The following GALNT10 variants were observed in gnomAD, a reference collection of about 807,000 sequenced individuals.
GALNT10 encodes polypeptide N-acetylgalactosaminyltransferase 10.
In GALNT10, 41 loss-of-function variants were observed where a neutral mutation model predicts 75.0. The ratio of observed to expected loss-of-function variants is 0.55; its 90% CI spans 0.43 to 0.71. The LOEUF is 0.71. Ranked by LOEUF, GALNT10 falls within the 30% of genes least tolerant of loss-of-function variation. The probability of loss-of-function intolerance (pLI) is 0.00; values close to 1 mark genes in which losing one functional copy is unlikely to be tolerated. For synonymous variants in GALNT10, 302 were observed against 313.0 expected (o/e 0.96, Z 0.37); for missense variants, 727 against 818.5 (o/e 0.89, Z 1.36).
chr5:154,377,973 A>G (rs1044581327), intron 5 of GALNT10, among the ~76,000 whole-genome samples: 1 of 152,170 alleles, frequency 6.6e-6, no homozygotes, highest in African/African-American at 2.4e-5. Context: ...CTCGAAGCTG[A>G]GCTTGTAGTC....
intron 3 of GALNT10, among the ~76,000 whole-genome samples, chr5:154,304,016 G>A (rs1023419263): frequency 6.6e-6 from 1 of 152,062 alleles, no homozygotes; most frequent in African/African-American, 2.4e-5. Context: ...AATCAACAAT[G>A]TCTAAAATGA....
intron 4 of GALNT10, among the ~76,000 whole-genome samples, chr5:154,339,433 TAAACCTTTTGGTGGACA>T (rs371377550): frequency 3.2e-3 from 485 of 152,228 alleles, no homozygotes; most frequent in African/African-American, 0.011. Flanking sequence ...GGGAAATCTG[TAAACCTTTTGGTGGACA>T]TCTGGTAGAA....
intron 2 of GALNT10, 77 bp downstream of exon 2, chr5:154,294,995 T>TGTGTGTGTGTGTTC: frequency 1.4e-6 from 1 of 727,096 alleles, no homozygotes; most frequent in East Asian, 2.6e-5. Context: ...TGTGTGTGTG[T>TGTGTGTGTGTGTTC]GTGTGTGTGT....
intron 1 of GALNT10, among the ~76,000 whole-genome samples, chr5:154,293,594 G>GATATATATATAT (rs754824803): frequency 1.4e-5 from 2 of 140,664 alleles, no homozygotes; most frequent in African/African-American, 5.7e-5. Flanking sequence ...TCTTGGGGCT[G>GATATATATATAT]ATATATATAT....
chr5:154,293,387 G>A (rs1754224071), intron 1 of GALNT10, among the ~76,000 whole-genome samples: 1 of 152,106 alleles, frequency 6.6e-6, no homozygotes, highest in Admixed American at 6.5e-5. Flanking sequence ...AGCATTACCT[G>A]GGGAAGGCTC....
intron 7 of GALNT10, among the ~76,000 whole-genome samples, chr5:154,398,786 C>A (rs1416045188): frequency 6.6e-6 from 1 of 152,190 alleles, no homozygotes; most frequent in African/African-American, 2.4e-5. Context: ...TAATATCATT[C>A]TCTTGGTCAC....
intron 3 of GALNT10, among the ~76,000 whole-genome samples, chr5:154,326,530 G>A (rs930716700): frequency 2.0e-5 from 3 of 152,178 alleles, no homozygotes; most frequent in Non-Finnish European, 2.9e-5. Flanking sequence ...TAAATAAAAT[G>A]TGGTGAATTC....
intron 1 of GALNT10, among the ~76,000 whole-genome samples, chr5:154,204,886 A>G (rs1243975919): frequency 6.6e-6 from 1 of 152,226 alleles, no homozygotes; most frequent in Non-Finnish European, 1.5e-5. Context: ...ACTAAACACC[A>G]TGAGGGTAGG....
At chr5:154,336,027 T>C (rs1388182988) in intron 4 of GALNT10, among the ~76,000 whole-genome samples, 2 of 152,240 alleles carry the variant, frequency 1.3e-5, no homozygotes, top group African/African-American at 4.8e-5. Flanking sequence ...CCAATCATTT[T>C]ACTGTCACTG....
At position 154,203,347 on chromosome 5, in the gene GALNT10, G is replaced by A. The variant is rs574735426; in HGVS notation, c.159+12322G>A. The stretch of plus-strand genomic sequence containing the variant: ...ACTAAAGAAGCCATAAGCCTACCAC[G>A]GTGGAATCCACAATTTCAAGGAATT... On this transcript the variant is annotated intron_variant, in intron 1 of 11. Transcript: ENST00000297107. 1.5e-4 allele frequency among the ~76,000 whole-genome samples: 23 copies of A among 152,222 alleles called. No homozygotes were observed. In the East Asian group the frequency reaches 4.4e-3, roughly 29 times the overall value.
At chr5:154,272,526 G>A (rs989752032) in intron 1 of GALNT10, among the ~76,000 whole-genome samples, 1 of 152,188 alleles carries the variant, frequency 6.6e-6, no homozygotes, top group Non-Finnish European at 1.5e-5. Context: ...AACACCACGT[G>A]GGCAGTGTAA....
chr5:154,317,894 C>G (rs1045632432), intron 3 of GALNT10, among the ~76,000 whole-genome samples: 2 of 152,248 alleles, frequency 1.3e-5, no homozygotes, highest in African/African-American at 4.8e-5. Flanking sequence ...CTGTTTTCCA[C>G]TCTGTTAACT....
chr5:154,417,703 A>C lies in GALNT10; in HGVS notation c.*731A>C, dbSNP rs1196675165. 6.6e-6 allele frequency: 1 copy of C among 152,270 alleles called. No individual in the cohort carries two copies. Among genetic ancestry groups the C allele is most frequent in the Non-Finnish European group, 1.5e-5 (1 of 68,122 alleles). The allele number at this position is 152,270 out of a possible 1,614,324, so 9.4% of individuals were successfully genotyped here. On this transcript the variant is annotated 3_prime_UTR_variant, in exon 12 of 12. Transcript: ENST00000297107. ...CTGCTCTCTGGGTATTTGAAATGTC[A>C]ATTTTAGCACTCTCCAGGCACAAGG...
rs149118351 is a variant in GALNT10, at chr5:154,298,997, G to T, written c.401+918G>T. Among the ~76,000 whole-genome samples, 56 of 152,304 alleles carry T rather than the reference G, an allele frequency of 3.7e-4. No individual in the cohort carries two copies. Among genetic ancestry groups the T allele is most frequent in the African/African-American group, 1.3e-3 (55 of 41,572 alleles). On this transcript the variant is annotated intron_variant, in intron 3 of 11. Transcript: ENST00000297107. This position sits in a 1 kb window ranked among gnomAD's most constrained non-coding sequence, Gnocchi z 4.1. Reference sequence around the variant, plus strand: ...TGAGAATCACTGCAAGTAGATTTCAGAATTGCTTCTACATGAAGGCAGTAC... The same window carrying T: ...TGAGAATCACTGCAAGTAGATTTCATAATTGCTTCTACATGAAGGCAGTAC...
In GALNT10 at chr5:154,417,079, C is replaced by A; in HGVS notation, c.*107C>A. ...GGGCACTAGGTGTAAAAGGTGCTGG[C>A]CAAATGGTTCAGGGTGAAGAGGGCT... On this transcript the variant is annotated 3_prime_UTR_variant, in exon 12 of 12. Transcript: ENST00000297107. 1 of 984,994 alleles carries A rather than the reference C, an allele frequency of 1.0e-6. No individual in the cohort carries two copies. Among genetic ancestry groups the A allele is most frequent in the Non-Finnish European group, 1.6e-6 (1 of 644,084 alleles). The allele number at this position is 984,994 out of a possible 1,614,324, so 61.0% of individuals were successfully genotyped here.
chr5:154,410,492 C>T (rs1420036682), intron 9 of GALNT10, among the ~76,000 whole-genome samples: 1 of 152,180 alleles, frequency 6.6e-6, no homozygotes, highest in South Asian at 2.1e-4. Flanking sequence ...GTCGAGGTTC[C>T]AGTGAGCTGT....
intron 1 of GALNT10, among the ~76,000 whole-genome samples, chr5:154,258,094 G>A (rs972257084): frequency 1.2e-4 from 18 of 152,114 alleles, no homozygotes; most frequent in Non-Finnish European, 1.8e-4. Context: ...AAATAAACAT[G>A]AGTATGTTAT....
intron 1 of GALNT10, among the ~76,000 whole-genome samples, chr5:154,245,793 G>A (rs184689879): frequency 1.4e-5 from 2 of 141,178 alleles, no homozygotes; most frequent in Non-Finnish European, 3.0e-5. Flanking sequence ...GGGATGTCTG[G>A]TGATATCTTA....
intron 1 of GALNT10, among the ~76,000 whole-genome samples, chr5:154,283,501 T>TGA (rs1754072096): frequency 6.6e-6 from 1 of 150,790 alleles, no homozygotes. Flanking sequence ...AGTGACAGAG[T>TGA]GAGAGTGAGG....
Sources: gnomAD v4.1 joint callset for allele counts (sites outside exome capture counted in the v4.1 genomes callset) on GRCh38, gnomAD v4.1.1 for gene constraint, Gnocchi (gnomAD v3.1) non-coding constraint, MANE v1.5 for transcripts, NCBI Gene and HGNC (gene_info 2026-07-23, HGNC 2026-07-21) for gene names.